Variants in DENND4A observed in about 807,000 individuals in gnomAD.
DENND4A encodes C-myc promoter-binding protein.
Under a neutral mutation model 199.3 loss-of-function variants are expected in DENND4A, and 70 were observed. The observed-to-expected ratio is 0.35, with a 90% confidence interval of 0.29 to 0.43. DENND4A has a LOEUF of 0.43. DENND4A is among the 20% of genes least tolerant of loss of function. DENND4A has a pLI of 1.00. For missense variants in DENND4A, 1,723 were observed against 2,255.8 expected (o/e 0.76, Z 4.78); for synonymous variants, 686 against 766.9 (o/e 0.89, Z 1.74).
At chr15:65,734,696 G>T (rs2076062529) in intron 7 of DENND4A, among the ~76,000 whole-genome samples, 1 of 152,120 alleles carries the variant, frequency 6.6e-6, no homozygotes, top group South Asian at 2.1e-4. Flanking sequence ...CTTGAACTAT[G>T]AAGTAGTTAG....
chr15:65,701,786 G>A lies in DENND4A; in HGVS notation c.2535C>T (p.Ala845=), dbSNP rs757847534. The change falls in exon 18 of 33, where the codon GCC becomes GCT. Residue 845 remains alanine (A), a synonymous_variant. Coordinates refer to ENST00000443035, the MANE Select transcript of DENND4A (RefSeq NM_001320835.1). ...EMQKAGIDPN[A]ITYGYYNKAV... The stretch of plus-strand genomic sequence containing the variant: ...CCTTATTATAATAACCATAAGTAAT[G>A]GCATTGGGGTCAATACCAGCTTTCT... 1 of 1,613,540 alleles carries A rather than the reference G, an allele frequency of 6.2e-7. No homozygotes were observed. The highest frequency in any genetic ancestry group is 1.1e-5 in the South Asian group (1 of 91,068).
intron 14 of DENND4A, chr15:65,714,995 G>T (rs2075354237): frequency 6.5e-6 from 1 of 154,434 alleles, no homozygotes; most frequent in Non-Finnish European, 1.4e-5. Flanking sequence ...ATGATATTAG[G>T]ACTGAAGGGA....
chr15:65,678,606 AC>A (rs1299230135), intron 23 of DENND4A, among the ~76,000 whole-genome samples: 1 of 152,242 alleles, frequency 6.6e-6, no homozygotes, highest in Admixed American at 6.5e-5. Context: ...TAGCCACCTT[AC>A]CAGTTCAAAC....
chr15:65,670,235 T>A, intron 25 of DENND4A, 47 bp from the exon 26 acceptor site: 2 of 1,367,198 alleles, frequency 1.5e-6, no homozygotes, highest in Non-Finnish European at 1.9e-6. Flanking sequence ...TTAATTCAGA[T>A]TATGAATTAA....
At chr15:65,691,535 T>C (rs1461001195) in intron 22 of DENND4A, 24 bp from the exon 23 acceptor site, 4 of 1,522,372 alleles carry the variant, frequency 2.6e-6, no homozygotes, top group Non-Finnish European at 3.5e-6. Context: ...AAAGTGCTTT[T>C]AGCCATGAAA....
rs765706600 is a variant in DENND4A at position 65,756,468 on chromosome 15, T to C, written c.-18A>G. 2 of 1,579,052 alleles carry C rather than the reference T, an allele frequency of 1.3e-6. No homozygotes were observed. The highest frequency in any genetic ancestry group is 1.9e-5 in the Admixed American group (1 of 53,120). On this transcript the variant is annotated 5_prime_UTR_variant, in exon 3 of 33. An upstream open reading frame in the 5' UTR loses its in-frame stop. Transcript: ENST00000443035. ...TCAATCATCTTCCATTACAGAAGGT[T>C]ACATCTAAAAGGAAAGTAAAAGACT... is the stretch of plus-strand genomic sequence containing the variant.
chr15:65,704,563 T>TA (rs1224051023), intron 15 of DENND4A, among the ~76,000 whole-genome samples: 3 of 151,934 alleles, frequency 2.0e-5, no homozygotes, highest in Non-Finnish European at 4.4e-5. Flanking sequence ...TTTATAGAGA[T>TA]AAGGTCTTGC....
rs1290993960 is a variant in DENND4A, at chr15:65,690,333, T to C, written c.4179+82A>G. On this transcript the variant is annotated intron_variant, in intron 23 of 32. Coordinates refer to ENST00000443035, the MANE Select transcript of DENND4A (RefSeq NM_001320835.1). ...TTTTATAAAGCTATGTTTAGAAGAATAGTTAAAACGAGTAAGGGGCTTTTG... is the reference window on the plus strand; with the variant it reads ...TTTTATAAAGCTATGTTTAGAAGAACAGTTAAAACGAGTAAGGGGCTTTTG... The C allele has an allele frequency of 3.6e-6, 5 of 1,399,310 alleles. No individual in the cohort carries two copies. The South Asian group carries it at 4.8e-5, about 13-fold the overall frequency. The allele number at this position is 1,399,310 out of a possible 1,614,324, so 86.7% of individuals were successfully genotyped here. A position where few individuals can be genotyped will look rare whatever the true frequency, so the allele number is the denominator to read the frequency against.
chr15:65,713,184 A>T (rs2075298200), intron 14 of DENND4A, among the ~76,000 whole-genome samples: 1 of 152,220 alleles, frequency 6.6e-6, no homozygotes, highest in South Asian at 2.1e-4. Context: ...TTAACTAAGC[A>T]CTGCATTTGG....
At chr15:65,771,255 G>T in intron 1 of DENND4A, 2 of 1,588,324 alleles carry the variant, frequency 1.3e-6, no homozygotes, top group Non-Finnish European at 8.6e-7. Flanking sequence ...CTTCGGAGTC[G>T]ATCACCACGG....
intron 32 of DENND4A, among the ~76,000 whole-genome samples, 162 bp downstream of exon 32, chr15:65,664,168 C>CT (rs1243147020): frequency 2.0e-5 from 3 of 152,132 alleles, no homozygotes; most frequent in Non-Finnish European, 4.4e-5. Flanking sequence ...TTAGCAGTCA[C>CT]TCCCTATTCA....
At chr15:65,722,300 G>A (rs1259385926) in intron 12 of DENND4A, among the ~76,000 whole-genome samples, 2 of 152,080 alleles carry the variant, frequency 1.3e-5, no homozygotes, top group East Asian at 1.9e-4. Context: ...CCCTGTCTCT[G>A]TAACAAATTA....
At position 65,718,760 on chromosome 15, in the gene DENND4A, C is replaced by CTTTTTTTTTTTTTTTTTTTTT. The variant is rs1038227560; in HGVS notation, c.1589-785_1589-765dup. On this transcript the variant is annotated intron_variant, in intron 12 of 32. Coordinates refer to ENST00000443035, the MANE Select transcript of DENND4A (RefSeq NM_001320835.1). ...TCAAAAGTTTTGCATGTTTTTTTTC[C>CTTTTTTTTTTTTTTTTTTTTT]TTTTTTTTTTTTTTTTTTTTTTTTT... Among the ~76,000 whole-genome samples, 3 of 67,738 alleles carry CTTTTTTTTTTTTTTTTTTTTT rather than the reference C, an allele frequency of 4.4e-5. 1 individual carries two copies. Among genetic ancestry groups the CTTTTTTTTTTTTTTTTTTTTT allele is most frequent in the African/African-American group, 1.5e-4 (3 of 20,068 alleles). The allele number at this position is 67,738 out of a possible 152,430, so 44.4% of individuals were successfully genotyped here. A position where few individuals can be genotyped will look rare whatever the true frequency, so the allele number is the denominator to read the frequency against.
At position 65,703,019 on chromosome 15, in the gene DENND4A, AAAAAC is replaced by A. The variant is rs759409167; in HGVS notation, c.2088-16_2088-12del. ...GGAAATCCATTATAGCTGTTTTAGA[AAAAAC>A]AAAACAAAACAAAAAAGAGTTCTCA... On this transcript the variant is annotated splice_polypyrimidine_tract_variant and intron_variant, in intron 15 of 32. Coordinates refer to ENST00000443035, the MANE Select transcript of DENND4A (RefSeq NM_001320835.1). 2.3e-5 allele frequency: 37 copies of A among 1,608,514 alleles called. No individual in the cohort carries two copies. The highest frequency in any genetic ancestry group is 2.9e-5 in the Non-Finnish European group (34 of 1,178,026).
At chr15:65,700,782 C>A in intron 19 of DENND4A, 107 bp from the exon 20 acceptor site, 5 of 1,197,422 alleles carry the variant, frequency 4.2e-6, no homozygotes, top group Non-Finnish European at 5.6e-6. Flanking sequence ...ATGAAAAGTG[C>A]CACATACTTA....
intron 4 of DENND4A, among the ~76,000 whole-genome samples, chr15:65,746,369 C>CTCTCTT (rs2076392238): frequency 3.1e-4 from 16 of 51,294 alleles, no homozygotes; most frequent in African/African-American, 1.1e-3. Flanking sequence ...ACTTTTTTCT[C>CTCTCTT]TTTTTTTTTT....
At chr15:65,784,178 CCTG>C (rs2077506039) in intron 1 of DENND4A, among the ~76,000 whole-genome samples, 2 of 152,054 alleles carry the variant, frequency 1.3e-5, no homozygotes, top group Admixed American at 6.6e-5. Context: ...CTACAAAATC[CCTG>C]ACCAATACTC....
At chr15:65,739,428 G>A (rs2076195748) in intron 5 of DENND4A, among the ~76,000 whole-genome samples, 1 of 152,178 alleles carries the variant, frequency 6.6e-6, no homozygotes, top group South Asian at 2.1e-4. Flanking sequence ...TGAAGATAGA[G>A]TTTTAAGTTG....
At chr15:65,676,694 C>T in intron 23 of DENND4A, 60 bp from the exon 24 acceptor site, 2 of 1,394,750 alleles carry the variant, frequency 1.4e-6, no homozygotes, top group Non-Finnish European at 1.9e-6. Flanking sequence ...ATTAAAAAGT[C>T]ACTTCTAAGG....
Sources: allele counts gnomAD v4.1 joint callset (sites outside exome capture counted in the v4.1 genomes callset), GRCh38; gene constraint gnomAD v4.1.1; transcripts MANE v1.5; gene names NCBI Gene and HGNC (gene_info 2026-07-23, HGNC 2026-07-21).